RPL26L1: variants seen among roughly 807,000 people sequenced by gnomAD.
RPL26L1 encodes the protein ribosomal protein uL24-like.
RPL26L1 carries 8 observed loss-of-function variants against 15.2 expected under a neutral mutation model. The ratio of observed to expected loss-of-function variants is 0.53; its 90% CI spans 0.31 to 0.95. The LOEUF (loss-of-function observed/expected upper bound fraction) is 0.95, where lower values mean the gene tolerates loss of function less well. Ranked by LOEUF, RPL26L1 falls within the 40% of genes least tolerant of loss-of-function variation. RPL26L1 has a pLI of 0.05. For synonymous variants in RPL26L1, 51 were observed against 65.9 expected (o/e 0.77, Z 1.09); for missense variants, 146 against 190.9 (o/e 0.76, Z 1.39).
rs11750339 is a variant in RPL26L1 at position 172,963,176 on chromosome 5, G to A, written c.168+3135G>A. Among the ~76,000 whole-genome samples the A allele has an allele frequency of 8.2e-3, 1,242 of 152,070 alleles. 2 individuals are homozygous for A. Among genetic ancestry groups the A allele is most frequent in the Non-Finnish European group, 0.012 (840 of 67,984 alleles). On this transcript the variant is annotated intron_variant, in intron 2 of 3. Transcript: ENST00000265100. The stretch of plus-strand genomic sequence containing the variant: ...GTGGATCACCTGAGGTCAGGAGTTC[G>A]AGACCAGCCTGGCCAACATGGTGAA...
At chr5:172,961,054 G>C (rs1755217761) in intron 2 of RPL26L1, among the ~76,000 whole-genome samples, 1 of 152,082 alleles carries the variant, frequency 6.6e-6, no homozygotes, top group Non-Finnish European at 1.5e-5. Flanking sequence ...ATGCTCCCTG[G>C]GGGGCAAAAT....
intron 2 of RPL26L1, among the ~76,000 whole-genome samples, chr5:172,963,872 T>C (rs989749861): frequency 3.3e-5 from 5 of 152,200 alleles, no homozygotes; most frequent in Non-Finnish European, 7.3e-5. Context: ...TTATTCCAGT[T>C]AGTGGTCATG....
chr5:172,964,241 C>CTGGGA (rs919102071), intron 2 of RPL26L1, among the ~76,000 whole-genome samples: 8 of 146,522 alleles, frequency 5.5e-5, no homozygotes, highest in African/African-American at 1.5e-4. Flanking sequence ...TCCCAAAGTG[C>CTGGGA]TGGGATTACA....
At chr5:172,958,406 CCT>C (rs1284791485), upstream of RPL26L1, 2 of 456,268 alleles carry the variant, frequency 4.4e-6, no homozygotes, top group Non-Finnish European at 8.8e-6. Context: ...AGACATCTTC[CCT>C]CTCTGAGTTT....
chr5:172,960,185 G>A, intron 2 of RPL26L1, 144 bp downstream of exon 2: 3 of 913,144 alleles, frequency 3.3e-6, no homozygotes, highest in South Asian at 2.9e-5. Context: ...AGGGTTCAGA[G>A]CCACCAGAGA....
upstream of RPL26L1, chr5:172,955,815 GAGACCTCGTAA>G (rs1754954576): frequency 6.6e-6 from 1 of 152,244 alleles, no homozygotes; most frequent in Non-Finnish European, 1.5e-5. Flanking sequence ...AGGAAACAGA[GAGACCTCGTAA>G]CTTGGCATGG....
Position 172,969,631 on chromosome 5 carries a change from C to A in RPL26L1, c.*90C>A. On this transcript the variant is annotated 3_prime_UTR_variant, in exon 4 of 4. Transcript: ENST00000265100. ...ACTTTTCGGAATGTCTGGAACATTTCATTTCCTGTTTTGTTACCTGTGCCT... is the reference window on the plus strand; with the variant it reads ...ACTTTTCGGAATGTCTGGAACATTTAATTTCCTGTTTTGTTACCTGTGCCT... 7 of 1,312,790 alleles carry A rather than the reference C, an allele frequency of 5.3e-6. No individual in the cohort carries two copies. The highest frequency in any genetic ancestry group is 7.3e-6 in the Non-Finnish European group (7 of 963,754). 81.3% of individuals were successfully genotyped at this position (1,312,790 alleles called of 1,614,324 possible). A position where few individuals can be genotyped will look rare whatever the true frequency, so the allele number is the denominator to read the frequency against.
intron 2 of RPL26L1, among the ~76,000 whole-genome samples, 199 bp downstream of exon 2, chr5:172,960,240 T>TA (rs1439211456): frequency 1.3e-5 from 2 of 152,178 alleles, no homozygotes; most frequent in African/African-American, 4.8e-5. Context: ...ATAGTAATAG[T>TA]AAAATTTAAT....
At chr5:172,968,320 G>T (rs753681443) in intron 2 of RPL26L1, 139 bp from the exon 3 acceptor site, 1 of 1,064,688 alleles carries the variant, frequency 9.4e-7, no homozygotes, top group Non-Finnish European at 1.4e-6. Flanking sequence ...TATCAGAAAA[G>T]TAGCTAATTT....
At chr5:172,956,666 G>C (rs1467914860), upstream of RPL26L1, among the ~76,000 whole-genome samples, 3 of 152,098 alleles carry the variant, frequency 2.0e-5, no homozygotes, top group Admixed American at 2.0e-4. Context: ...GGCCGGGTGT[G>C]GTGGCTCACA....
At chr5:172,959,831 G>A (rs1459748441) in intron 1 of RPL26L1, 34 bp from the exon 2 acceptor site, 1 of 1,606,978 alleles carries the variant, frequency 6.2e-7, no homozygotes, top group Non-Finnish European at 8.5e-7. Flanking sequence ...CCCACTGAGC[G>A]CCCCTTCATT....
upstream of RPL26L1, chr5:172,957,842 C>T (rs1041105419): frequency 3.0e-5 from 5 of 165,136 alleles, no homozygotes; most frequent in Non-Finnish European, 6.7e-5. Flanking sequence ...AGCTGGGTGG[C>T]CCTTCAGCTG....
chr5:172,959,521 C>A, intron 1 of RPL26L1, 53 bp downstream of exon 1: 1 of 1,102,074 alleles, frequency 9.1e-7, no homozygotes, highest in Non-Finnish European at 1.1e-6. Flanking sequence ...CCCCGTGAGA[C>A]CCTGCCCTAT....
intron 2 of RPL26L1, 118 bp from the exon 3 acceptor site, chr5:172,968,341 G>A (rs1755549457): frequency 7.5e-7 from 1 of 1,337,176 alleles, no homozygotes; most frequent in Admixed American, 2.1e-5. Context: ...TTGACTGCCA[G>A]GATTAAGCTG....
intron 2 of RPL26L1, 79 bp downstream of exon 2, chr5:172,960,120 A>G (rs567025607): frequency 5.9e-6 from 9 of 1,529,076 alleles, no homozygotes; most frequent in Non-Finnish European, 8.1e-6. Context: ...ACAGACTCAC[A>G]TGCCTCAGGA....
At chr5:172,956,599 T>C (rs1211867357), upstream of RPL26L1, among the ~76,000 whole-genome samples, 1 of 152,208 alleles carries the variant, frequency 6.6e-6, no homozygotes, top group African/African-American at 2.4e-5. Flanking sequence ...CCAACATTTA[T>C]TAAGTTCTTC....
At chr5:172,967,775 T>C (rs1224511064) in intron 2 of RPL26L1, among the ~76,000 whole-genome samples, 3 of 151,532 alleles carry the variant, frequency 2.0e-5, no homozygotes, top group Non-Finnish European at 4.4e-5. Flanking sequence ...TATACACATA[T>C]ATACGTATGT....
intron 2 of RPL26L1, 108 bp downstream of exon 2, chr5:172,960,149 C>T (rs1174600849): frequency 9.8e-6 from 13 of 1,325,148 alleles, no homozygotes; most frequent in Middle Eastern, 1.8e-4. Flanking sequence ...AGTAGTGTGA[C>T]CCTTCAGATG....
chr5:172,960,232 A>G (rs1755178430), intron 2 of RPL26L1, among the ~76,000 whole-genome samples, 191 bp downstream of exon 2: 1 of 152,210 alleles, frequency 6.6e-6, no homozygotes, highest in Non-Finnish European at 1.5e-5. Context: ...ATTATTTAAT[A>G]GTAATAGTAA....
Sources: gnomAD v4.1 joint callset for allele counts (sites outside exome capture counted in the v4.1 genomes callset) on GRCh38, gnomAD v4.1.1 for gene constraint, MANE v1.5 for transcripts, NCBI Gene and HGNC (gene_info 2026-07-23, HGNC 2026-07-21) for gene names.